The following LGSN variants were observed in gnomAD, a reference collection of about 807,000 sequenced individuals.
LGSN encodes lengsin.
In LGSN, 21 loss-of-function variants were observed where a neutral mutation model predicts 19.5. That is an observed-to-expected ratio of 1.07 (90% CI 0.76 to 1.55). The LOEUF (loss-of-function observed/expected upper bound fraction) is 1.55, where lower values mean the gene tolerates loss of function less well. Ranked by LOEUF, LGSN falls within the 40% of genes most tolerant of loss-of-function variation. LGSN has a pLI of 0.00. For synonymous variants in LGSN, 257 were observed against 215.6 expected, an observed-to-expected ratio of 1.19 and a Z score of -1.68; for missense variants, 673 against 608.5, an observed-to-expected ratio of 1.11 and a Z score of -1.12.
the LGSN span, among the ~76,000 whole-genome samples, chr6:63,339,469 A>G: frequency 6.6e-6 from 1 of 152,042 alleles, no homozygotes; most frequent in Non-Finnish European, 1.5e-5. Flanking sequence ...GTAGAATCTA[A>G]TTTGTCCGAC....
chr6:63,352,919 C>T, the LGSN span, among the ~76,000 whole-genome samples: 2 of 151,968 alleles, frequency 1.3e-5, no homozygotes, highest in African/African-American at 4.8e-5. Context: ...GCAGAAGACA[C>T]ATCCGGTGGT....
At chr6:63,490,185 G>A in the LGSN span, among the ~76,000 whole-genome samples, 2 of 152,322 alleles carry the variant, frequency 1.3e-5, no homozygotes, top group East Asian at 3.9e-4. Flanking sequence ...GCTGCCAGAA[G>A]AGTACACTGC....
chr6:63,364,174 C>T, the LGSN span, among the ~76,000 whole-genome samples: 2 of 152,108 alleles, frequency 1.3e-5, no homozygotes, highest in African/African-American at 4.8e-5. Flanking sequence ...GTGCTGTATT[C>T]AGGAGACCCA....
At chr6:63,451,767 A>G in the LGSN span, among the ~76,000 whole-genome samples, 48 of 152,316 alleles carry the variant, frequency 3.2e-4, no homozygotes, top group Admixed American at 2.5e-3. Context: ...TAATTAAAAA[A>G]AAAGAAAAAA....
the LGSN span, among the ~76,000 whole-genome samples, chr6:63,414,572 T>A: frequency 5.3e-5 from 8 of 152,252 alleles, no homozygotes; most frequent in African/African-American, 1.4e-4. Context: ...AATAAAATTG[T>A]ACATATTAAA....
chr6:63,501,497 TG>T, the LGSN span, among the ~76,000 whole-genome samples: 8 of 152,134 alleles, frequency 5.3e-5, no homozygotes, highest in Middle Eastern at 3.2e-3. Context: ...ATGCTATGTA[TG>T]GCTGAATATA....
the LGSN span, among the ~76,000 whole-genome samples, chr6:63,373,940 A>G: frequency 1.3e-5 from 2 of 152,122 alleles, no homozygotes; most frequent in Admixed American, 6.5e-5. Context: ...CTCTGTCTCA[A>G]AAAAGGCCAG....
At chr6:63,548,855 T>A in the LGSN span, 1 of 762,724 alleles carries the variant, frequency 1.3e-6, no homozygotes. Context: ...TAGCTCCCAC[T>A]AGCTTAGCCA....
the LGSN span, among the ~76,000 whole-genome samples, chr6:63,536,449 C>T: frequency 6.6e-6 from 1 of 152,172 alleles, no homozygotes; most frequent in African/African-American, 2.4e-5. Flanking sequence ...AAGGATATCC[C>T]ATTAATTTCC....
chr6:63,450,193 C>A, the LGSN span, among the ~76,000 whole-genome samples: 451 of 94,210 alleles, frequency 4.8e-3, no homozygotes, highest in African/African-American at 8.3e-3. Flanking sequence ...CTAAAAAATG[C>A]AAAAAAAAAA....
At chr6:63,314,190 G>A (rs1010523195) in intron 1 of LGSN, among the ~76,000 whole-genome samples, 4 of 152,110 alleles carry the variant, frequency 2.6e-5, no homozygotes, top group African/African-American at 7.2e-5. Flanking sequence ...GCCTTCGAGA[G>A]GTGATTAGGT....
chr6:63,498,170 G>A, the LGSN span, among the ~76,000 whole-genome samples: 10 of 151,744 alleles, frequency 6.6e-5, no homozygotes, highest in African/African-American at 2.2e-4. Context: ...CACCCGTCTT[G>A]GCCTCCCAAA....
chr6:63,508,886 T>G, the LGSN span, among the ~76,000 whole-genome samples: 1 of 141,946 alleles, frequency 7.0e-6, no homozygotes, highest in Non-Finnish European at 1.5e-5. Flanking sequence ...GCCATTGCAC[T>G]CCAGCCTGGG....
the LGSN span, among the ~76,000 whole-genome samples, chr6:63,506,700 T>A: frequency 6.6e-6 from 1 of 152,250 alleles, no homozygotes; most frequent in Admixed American, 6.5e-5. Flanking sequence ...TACATGAAAG[T>A]TATCAAAAAT....
chr6:63,537,524 G>A, the LGSN span, among the ~76,000 whole-genome samples: 652 of 152,258 alleles, frequency 4.3e-3, 2 homozygotes, highest in Non-Finnish European at 7.3e-3. Context: ...GCCTTAGAGC[G>A]TACCTTTTCA....
the LGSN span, among the ~76,000 whole-genome samples, chr6:63,450,441 G>A: frequency 6.6e-6 from 1 of 151,162 alleles, no homozygotes; most frequent in Non-Finnish European, 1.5e-5. Flanking sequence ...AGCTACTCAG[G>A]AGTCTGAGTC....
At chr6:63,318,232 T>C (rs1371164849) in intron 1 of LGSN, among the ~76,000 whole-genome samples, 2 of 152,166 alleles carry the variant, frequency 1.3e-5, no homozygotes. Flanking sequence ...AAGTAAGTAT[T>C]CTGAGGGATT....
intron 2 of LGSN, among the ~76,000 whole-genome samples, chr6:63,286,197 AT>A (rs1215098992): frequency 1.3e-5 from 2 of 152,250 alleles, no homozygotes; most frequent in South Asian, 4.1e-4. Flanking sequence ...TTAAAAGTGA[AT>A]TTGGTTTTAT....
the LGSN span, among the ~76,000 whole-genome samples, chr6:63,446,086 T>G: frequency 2.0e-5 from 3 of 151,784 alleles, no homozygotes; most frequent in East Asian, 5.8e-4. Flanking sequence ...CCATCTCTAC[T>G]AAAAATACAA....
Sources: allele counts gnomAD v4.1 joint callset (sites outside exome capture counted in the v4.1 genomes callset), GRCh38; gene constraint gnomAD v4.1.1; transcripts MANE v1.5; gene names NCBI Gene and HGNC (gene_info 2026-07-23, HGNC 2026-07-21).